The following PCDH11X variants were observed in gnomAD, a reference collection of about 807,000 sequenced individuals.
PCDH11X encodes the protein protocadherin 11 X-linked, also known as protocadherin-11 X-linked.
PCDH11X carries 18 observed loss-of-function variants against 53.3 expected under a neutral mutation model. The observed-to-expected ratio is 0.34, with a 90% CI of 0.23 to 0.50. The LOEUF (loss-of-function observed/expected upper bound fraction) is 0.50. PCDH11X is among the 20% of genes least tolerant of loss of function. The pLI is 0.98. For missense variants in PCDH11X, 570 were observed against 1,032.4 expected (o/e 0.55, Z 6.14); for synonymous variants, 279 against 393.3 (o/e 0.71, Z 3.44).
intron 6 of PCDH11X, chrX:91,983,413 C>G (rs2062175805): frequency 2.3e-6 from 2 of 868,622 alleles, no homozygotes. Context: ...ATTTTGTTTT[C>G]AAATCAAGCA....
chrX:92,570,622 G>A lies in PCDH11X; in HGVS notation c.3368-47642G>A, dbSNP rs61323631. Among the ~76,000 whole-genome samples, 353 of 100,365 alleles carry A rather than the reference G, an allele frequency of 3.5e-3. 2 individuals are homozygous for A. Among genetic ancestry groups the A allele is most frequent in the African/African-American group, 0.012 (325 of 27,311 alleles). 87.2% of individuals were successfully genotyped at this position (100,365 alleles called of 115,157 possible). A position where few individuals can be genotyped will look rare whatever the true frequency, so the allele number is the denominator to read the frequency against. ...TTTAAATGTCATGAAATTTAATACTGGGAAACCTGCATATTTTAGCTTTAT... is the reference window on the plus strand; with the variant it reads ...TTTAAATGTCATGAAATTTAATACTAGGAAACCTGCATATTTTAGCTTTAT... On this transcript the variant is annotated intron_variant, in intron 10 of 10. Transcript: ENST00000682573.
chrX:91,901,815 G>A lies in PCDH11X; in HGVS notation c.3033+22542G>A, dbSNP rs368145907. Among the ~76,000 whole-genome samples, 6 of 111,145 alleles carry A rather than the reference G, an allele frequency of 5.4e-5. No homozygotes were observed. The South Asian group carries it at 1.5e-3, about 28-fold the overall frequency. On this transcript the variant is annotated intron_variant, in intron 6 of 10. Coordinates refer to ENST00000682573, the MANE Select transcript of PCDH11X (RefSeq NM_032968.5). ...TTCAGAATACATACTACTTAGGCTCGCCAGGCATACATTCATGAAAATAAA... is the reference window on the plus strand; with the variant it reads ...TTCAGAATACATACTACTTAGGCTCACCAGGCATACATTCATGAAAATAAA...
At chrX:91,884,207 A>AG (rs1185702725) in intron 6 of PCDH11X, among the ~76,000 whole-genome samples, 4 of 109,192 alleles carry the variant, frequency 3.7e-5, no homozygotes, top group African/African-American at 1.3e-4. Flanking sequence ...AAAAAAAAAA[A>AG]AAAAAGAAAA....
chrX:91,879,919 A>G (rs1294107252), intron 6 of PCDH11X: 2 of 709,353 alleles, frequency 2.8e-6, no homozygotes, highest in Non-Finnish European at 3.3e-6. Context: ...AGAGAATGAA[A>G]TATATATGAG....
intron 6 of PCDH11X, among the ~76,000 whole-genome samples, chrX:92,117,735 G>T (rs1164332466): frequency 8.9e-6 from 1 of 111,768 alleles, no homozygotes; most frequent in East Asian, 2.8e-4. Context: ...TCACAGGAAA[G>T]ATTCAACATC....
At chrX:92,187,723 T>C (rs189623632) in intron 6 of PCDH11X, among the ~76,000 whole-genome samples, 2 of 112,166 alleles carry the variant, frequency 1.8e-5, no homozygotes, top group East Asian at 5.6e-4. Context: ...GAAAATTTGA[T>C]TTAGAGCATT....
chrX:92,405,922 A>G (rs866475252), intron 9 of PCDH11X, among the ~76,000 whole-genome samples: 3 of 109,667 alleles, frequency 2.7e-5, no homozygotes, highest in Non-Finnish European at 3.8e-5. Context: ...GTGAAACCCC[A>G]TCTCTACTAA....
At chrX:92,257,726 C>T (rs1455891927) in intron 7 of PCDH11X, among the ~76,000 whole-genome samples, 2 of 112,739 alleles carry the variant, frequency 1.8e-5, no homozygotes, top group African/African-American at 3.2e-5. Context: ...CCAGGAAATA[C>T]TGGTGCAAAC....
chrX:91,916,009 TA>T (rs1423770547), intron 6 of PCDH11X, among the ~76,000 whole-genome samples: 1 of 109,561 alleles, frequency 9.1e-6, no homozygotes, highest in Non-Finnish European at 1.9e-5. Flanking sequence ...CACAGTGGAA[TA>T]AAACTGGAAA....
chrX:92,413,993 T>A (rs982777869), intron 9 of PCDH11X, among the ~76,000 whole-genome samples: 5 of 106,702 alleles, frequency 4.7e-5, no homozygotes, highest in Non-Finnish European at 7.7e-5. Flanking sequence ...TCCAGAACCA[T>A]CCCATAGCTG....
chrX:92,407,191 G>A (rs1173712343), intron 9 of PCDH11X, among the ~76,000 whole-genome samples: 1 of 109,402 alleles, frequency 9.1e-6, no homozygotes, highest in Non-Finnish European at 1.9e-5. Context: ...CACTTCCACT[G>A]TTTTGTAGTG....
chrX:92,563,712 C>A lies in PCDH11X; in HGVS notation c.3368-54552C>A, dbSNP rs1461798473. Among the ~76,000 whole-genome samples, 4 of 111,750 alleles carry A rather than the reference C, an allele frequency of 3.6e-5. No individual in the cohort carries two copies. In the East Asian group the frequency reaches 1.1e-3, roughly 31 times the overall value. Reference sequence around the variant, plus strand: ...ACATGAAATGCTAAAAGGTGTTCTTCAGTTTGAAAGAAAAATATATTAATG... The same window carrying A: ...ACATGAAATGCTAAAAGGTGTTCTTAAGTTTGAAAGAAAAATATATTAATG... On this transcript the variant is annotated intron_variant, in intron 10 of 10. Transcript: ENST00000682573.
At chrX:91,968,788 T>C (rs2061903005) in intron 6 of PCDH11X, among the ~76,000 whole-genome samples, 1 of 111,612 alleles carries the variant, frequency 9.0e-6, no homozygotes, top group South Asian at 3.7e-4. Flanking sequence ...TTGTGATTTA[T>C]AACACCATAT....
chrX:92,073,260 C>T (rs2148083256), intron 6 of PCDH11X, among the ~76,000 whole-genome samples: 1 of 112,194 alleles, frequency 8.9e-6, no homozygotes, highest in East Asian at 2.8e-4. Context: ...AAGCCGTGTA[C>T]TATGATTGCT....
At chrX:92,017,847 G>A (rs1470574352) in intron 6 of PCDH11X, among the ~76,000 whole-genome samples, 1 of 105,006 alleles carries the variant, frequency 9.5e-6, no homozygotes, top group East Asian at 3.0e-4. Context: ...TTAATGTAGG[G>A]TTGCTATAAA....
chrX:92,464,445 C>T (rs2073117846), intron 9 of PCDH11X, among the ~76,000 whole-genome samples: 1 of 110,780 alleles, frequency 9.0e-6, no homozygotes, highest in Non-Finnish European at 1.9e-5. Context: ...TGACACTTCT[C>T]CTTCCTCCTG....
At chrX:91,990,846 G>A (rs1475404858) in intron 6 of PCDH11X, among the ~76,000 whole-genome samples, 1 of 105,355 alleles carries the variant, frequency 9.5e-6, no homozygotes, top group East Asian at 3.1e-4. Flanking sequence ...TGGGGGGCTA[G>A]CCTCACTACT....
chrX:92,230,523 T>A (rs1413163105), intron 7 of PCDH11X, among the ~76,000 whole-genome samples: 1 of 93,154 alleles, frequency 1.1e-5, no homozygotes, highest in Non-Finnish European at 2.1e-5. Flanking sequence ...ATAATATATA[T>A]AAAATACATA....
In PCDH11X at chrX:91,983,050, C is replaced by T. The variant is rs1031199505; in HGVS notation, c.3033+103777C>T. The T allele has an allele frequency of 3.5e-4, 415 of 1,187,977 alleles. 1 individual carries two copies. Among genetic ancestry groups the T allele is most frequent in the Non-Finnish European group, 4.5e-4 (391 of 876,894 alleles). ...GCAGTCTCAAAATTCATCTGGTAGC[C>T]GGCCAGCCAGCCCTTGTAACCCAGC... On this transcript the variant is annotated intron_variant, in intron 6 of 10. Coordinates refer to ENST00000682573, the MANE Select transcript of PCDH11X (RefSeq NM_032968.5).
Sources: allele counts gnomAD v4.1 joint callset (sites outside exome capture counted in the v4.1 genomes callset), GRCh38; gene constraint gnomAD v4.1.1; transcripts MANE v1.5; gene names NCBI Gene and HGNC (gene_info 2026-07-23, HGNC 2026-07-21).